The following F11 variants were observed in gnomAD, a reference collection of about 807,000 sequenced individuals.
F11 encodes coagulation factor XI.
A neutral mutation model predicts 76.5 loss-of-function variants in F11; 78 were observed. The ratio of observed to expected loss-of-function variants is 1.02; its 90% CI spans 0.85 to 1.23. The LOEUF (loss-of-function observed/expected upper bound fraction) is 1.23, where lower values mean the gene tolerates loss of function less well. F11 is among the 50% of genes most tolerant of loss of function. The pLI is 0.00. For missense variants in F11, 742 were observed against 771.4 expected, an observed-to-expected ratio of 0.96 and a Z score of 0.45; for synonymous variants, 278 against 276.3, an observed-to-expected ratio of 1.01 and a Z score of -0.06.
chr4:186,270,325 G>T (rs1259527193), intron 2 of F11, among the ~76,000 whole-genome samples: 1 of 152,164 alleles, frequency 6.6e-6, no homozygotes, highest in African/African-American at 2.4e-5. Context: ...CAACCTTGAC[G>T]TGAAATATTT....
At chr4:186,267,480 G>A (rs796771757) in intron 2 of F11, among the ~76,000 whole-genome samples, 1 of 152,138 alleles carries the variant, frequency 6.6e-6, no homozygotes, top group Admixed American at 6.5e-5. Flanking sequence ...AAGAAATCTT[G>A]ATTTGCCTCA....
intron 1 of F11, among the ~76,000 whole-genome samples, 163 bp downstream of exon 1, chr4:186,266,458 A>G (rs964781189): frequency 5.3e-5 from 8 of 152,248 alleles, no homozygotes; most frequent in African/African-American, 1.9e-4. Context: ...AATATCCATA[A>G]CTAATCTGAG....
Position 186,276,373 on chromosome 4 carries a change from G to C in F11, c.738G>C (p.Trp246Cys), listed in dbSNP as rs281875279. 1.2e-6 allele frequency: 2 copies of C among 1,613,948 alleles called. No homozygotes were observed. The change falls in exon 7 of 15, where the codon TGG becomes TGC. Residue 246 changes from tryptophan to cysteine, a missense_variant. Transcript: ENST00000403665. The stretch of plus-strand genomic sequence containing the variant: ...TTTTTACCTTCTTTTCCCAGGAATG[G>C]CCCAAAGAATCTCAAAGGTAAGGAG... The part of the protein sequence containing the change: ...CLFFTFFSQE[W>C]PKESQRNLCL...
At chr4:186,272,895 T>C (rs1685126613) in intron 3 of F11, 176 bp from the exon 4 acceptor site, 1 of 573,384 alleles carries the variant, frequency 1.7e-6, no homozygotes, top group African/African-American at 1.9e-5. Context: ...GTCTCTTAAG[T>C]GTAGGGATAT....
chr4:186,284,400 ACGC>A, intron 11 of F11, 140 bp downstream of exon 11: 1 of 905,916 alleles, frequency 1.1e-6, no homozygotes, highest in Admixed American at 2.2e-5. Context: ...GTGGTAAAAA[ACGC>A]AAAAAGGAAG....
At position 186,289,170 on chromosome 4, in the gene F11, A is replaced by T. The variant is rs914113186; in HGVS notation, c.*556A>T. Among the ~76,000 whole-genome samples the T allele has an allele frequency of 1.3e-5, 2 of 152,346 alleles. No individual in the cohort carries two copies. Among genetic ancestry groups the T allele is most frequent in the Non-Finnish European group, 1.5e-5 (1 of 68,030 alleles). On this transcript the variant is annotated 3_prime_UTR_variant, in exon 15 of 15. Transcript: ENST00000403665. ...TCCATTTTAAAATATATATTAAAAA[A>T]AATCAGTTCGAGTAGACACGAGCTA...
chr4:186,275,041 C>A, intron 5 of F11: 1 of 292,722 alleles, frequency 3.4e-6, no homozygotes, highest in Non-Finnish European at 7.1e-6. Context: ...TGGTGAAAAA[C>A]ACACACACCA....
Position 186,273,096 on chromosome 4 carries a change from G to C in F11, c.244G>C (p.Val82Leu), listed in dbSNP as rs1041017986. 2 of 1,613,428 alleles carry C rather than the reference G, an allele frequency of 1.2e-6. No individual in the cohort carries two copies. Among genetic ancestry groups the C allele is most frequent in the African/African-American group, 2.7e-5 (2 of 74,902 alleles). Residue 82 changes from valine (V) to leucine (L), a missense_variant, in exon 4 of 15, where the codon GTT (valine) becomes CTT (leucine). Physicochemically the swap from Val to Leu is conservative, Grantham distance 32. Transcript: ENST00000403665. ...RWFTCVLKDS[V>L]TETLPRVNRT... ...GTTTACTTGTGTCCTGAAAGACAGT[G>C]TTACAGAAACACTGCCAAGAGTGAA...
intron 13 of F11, chr4:186,286,795 A>G: frequency 1.2e-6 from 1 of 831,108 alleles, no homozygotes; most frequent in South Asian, 5.5e-5. Context: ...CTGCTATCCA[A>G]TTACTTTCTT....
chr4:186,279,899 A>G, intron 7 of F11, 113 bp from the exon 8 acceptor site: 1 of 836,060 alleles, frequency 1.2e-6, no homozygotes, highest in South Asian at 1.4e-5. Flanking sequence ...CAAAATAGGA[A>G]AATCTTCACA....
chr4:186,280,720 A>C, intron 10 of F11, 140 bp downstream of exon 10: 3 of 731,396 alleles, frequency 4.1e-6, no homozygotes, highest in Non-Finnish European at 4.8e-6. Context: ...TATTATTTTC[A>C]CTCCTGTCAC....
chr4:186,287,952 T>G (rs1305612850), intron 14 of F11, 129 bp downstream of exon 14: 3 of 1,053,992 alleles, frequency 2.8e-6, no homozygotes, highest in East Asian at 5.8e-5. Flanking sequence ...TTGCCCAGGC[T>G]GGAGTGCAGT....
intron 7 of F11, among the ~76,000 whole-genome samples, chr4:186,279,175 A>T (rs1027024393): frequency 6.6e-6 from 1 of 152,180 alleles, no homozygotes; most frequent in Non-Finnish European, 1.5e-5. Flanking sequence ...CGAGGTCAGG[A>T]GTACGAGACC....
intron 10 of F11, among the ~76,000 whole-genome samples, chr4:186,283,287 C>T (rs538879389): frequency 3.9e-5 from 6 of 151,956 alleles, no homozygotes; most frequent in African/African-American, 9.7e-5. Flanking sequence ...CTGCTGTCTA[C>T]GAACACCCTA....
chr4:186,273,334 C>T (rs747386526), intron 4 of F11, among the ~76,000 whole-genome samples, 157 bp downstream of exon 4: 23 of 152,196 alleles, frequency 1.5e-4, no homozygotes, highest in Non-Finnish European at 3.2e-4. Context: ...AGTATACATA[C>T]ATGCCTGCCC....
chr4:186,287,063 T>A lies in F11; in HGVS notation c.1576+553T>A, dbSNP rs1303050296. ...ATCTCGGCTCACTGTTACCTCCACC[T>A]CCCGGGTTCAAGTGATTCTCCTGCC... On this transcript the variant is annotated intron_variant, in intron 13 of 14. Transcript: ENST00000403665. Among the ~76,000 whole-genome samples the A allele has an allele frequency of 2.6e-5, 4 of 152,060 alleles. No individual in the cohort carries two copies. The East Asian group carries it at 7.9e-4, about 30-fold the overall frequency.
chr4:186,282,771 C>T, intron 10 of F11: 1 of 985,420 alleles, frequency 1.0e-6, no homozygotes, highest in Non-Finnish European at 1.2e-6. Flanking sequence ...AGCCTCTGTT[C>T]AGGCTTCCGA....
chr4:186,288,896 T>C lies in F11; in HGVS notation c.*282T>C, dbSNP rs1326297401. 2 of 398,280 alleles carry C rather than the reference T, an allele frequency of 5.0e-6. No homozygotes were observed. The highest frequency in any genetic ancestry group is 9.5e-6 in the Non-Finnish European group (2 of 210,410). 24.7% of individuals were successfully genotyped at this position (398,280 alleles called of 1,614,324 possible). On this transcript the variant is annotated 3_prime_UTR_variant, in exon 15 of 15. Transcript: ENST00000403665. Reference sequence around the variant, plus strand: ...AAGGCAATATTTCTGAAGATTACTATATAGGCAGATATAGCAGAAAATAAC... The same window carrying C: ...AAGGCAATATTTCTGAAGATTACTACATAGGCAGATATAGCAGAAAATAAC...
chr4:186,279,823 C>T (rs1010886666), intron 7 of F11, among the ~76,000 whole-genome samples, 189 bp from the exon 8 acceptor site: 1 of 152,090 alleles, frequency 6.6e-6, no homozygotes, highest in Non-Finnish European at 1.5e-5. Flanking sequence ...TGTCTGCAAC[C>T]TAAGGGCCAT....
Sources: allele counts gnomAD v4.1 joint callset (sites outside exome capture counted in the v4.1 genomes callset), GRCh38; gene constraint gnomAD v4.1.1; transcripts MANE v1.5; gene names NCBI Gene and HGNC (gene_info 2026-07-23, HGNC 2026-07-21).